Variants in PLSCR2 observed in about 807,000 individuals in gnomAD.
PLSCR2 encodes the protein phospholipid scramblase 2, also known as PL scramblase 2.
In PLSCR2, 18 loss-of-function variants were observed where a neutral mutation model predicts 25.3. The ratio of observed to expected loss-of-function variants is 0.71; its 90% confidence interval spans 0.49 to 1.06. The LOEUF (loss-of-function observed/expected upper bound fraction) is 1.06. PLSCR2 is among the 50% of genes least tolerant of loss of function. PLSCR2 has a pLI of 0.00. For missense variants in PLSCR2, 243 were observed against 269.5 expected (o/e 0.90, Z 0.69); for synonymous variants, 88 against 87.3 (o/e 1.01, Z -0.04).
intron 2 of PLSCR2, among the ~76,000 whole-genome samples, chr3:146,458,693 T>C (rs1009454357): frequency 3.3e-5 from 5 of 152,076 alleles, no homozygotes; most frequent in African/African-American, 1.2e-4. Context: ...AATAAACTAA[T>C]ATAGTGGAAT....
At chr3:146,476,329 G>A (rs765878690) in intron 1 of PLSCR2, among the ~76,000 whole-genome samples, 3 of 152,200 alleles carry the variant, frequency 2.0e-5, no homozygotes, top group Admixed American at 6.5e-5. Flanking sequence ...CAAGGGAGGC[G>A]CTGAGTGTTC....
intron 4 of PLSCR2, 28 bp downstream of exon 4, chr3:146,455,211 T>A: frequency 6.8e-7 from 1 of 1,465,594 alleles, no homozygotes; most frequent in Non-Finnish European, 9.6e-7. Flanking sequence ...AACTACTTTA[T>A]GAAAAGCTCT....
chr3:146,417,278 C>G (rs191101354), intron 2 of PLSCR2, among the ~76,000 whole-genome samples: 1 of 152,108 alleles, frequency 6.6e-6, no homozygotes, highest in African/African-American at 2.4e-5. Flanking sequence ...TATTGCAGAA[C>G]TTACATTATT....
chr3:146,480,078 T>C (rs549950613), intron 1 of PLSCR2, among the ~76,000 whole-genome samples: 2 of 152,246 alleles, frequency 1.3e-5, no homozygotes, highest in African/African-American at 4.8e-5. Flanking sequence ...CTGGGACACA[T>C]TCAAAGCCGT....
intron 1 of PLSCR2, among the ~76,000 whole-genome samples, chr3:146,483,773 C>A (rs1370094584): frequency 6.6e-6 from 1 of 151,448 alleles, no homozygotes; most frequent in Non-Finnish European, 1.5e-5. Flanking sequence ...CCACAAAACC[C>A]CATCTAAAGG....
intron 2 of PLSCR2, chr3:146,398,786 T>C (rs183095981): frequency 6.6e-6 from 1 of 152,354 alleles, no homozygotes. Flanking sequence ...GATAAACATA[T>C]CCAATTGTTT....
chr3:146,398,880 C>T (rs548224086), intron 2 of PLSCR2: 33 of 152,316 alleles, frequency 2.2e-4, no homozygotes, highest in African/African-American at 7.2e-4. Context: ...TTGTAAGTAA[C>T]ACTTTATTTA....
chr3:146,494,693 T>C (rs879808954), intron 1 of PLSCR2: 1 of 152,212 alleles, frequency 6.6e-6, no homozygotes, highest in Non-Finnish European at 1.5e-5. Context: ...AAATACTTTC[T>C]AAATCACAGA....
intron 8 of PLSCR2, among the ~76,000 whole-genome samples, chr3:146,436,703 A>G (rs1394625671): frequency 6.6e-6 from 1 of 151,650 alleles, no homozygotes; most frequent in African/African-American, 2.4e-5. Flanking sequence ...CTAAAGATAC[A>G]ATCATGTCAA....
chr3:146,413,825 C>T (rs1434944960), intron 2 of PLSCR2, among the ~76,000 whole-genome samples: 3 of 152,224 alleles, frequency 2.0e-5, no homozygotes, highest in Non-Finnish European at 4.4e-5. Flanking sequence ...TTCTAGCTTG[C>T]TTCTCCAAAC....
intron 2 of PLSCR2, among the ~76,000 whole-genome samples, chr3:146,419,756 G>A (rs73868808): frequency 0.014 from 2,081 of 152,102 alleles, 49 homozygotes; most frequent in African/African-American, 0.048. Flanking sequence ...TTCACAATCA[G>A]CAGTATAGCG....
chr3:146,446,401 G>T (rs976992103), intron 6 of PLSCR2, among the ~76,000 whole-genome samples: 7 of 152,142 alleles, frequency 4.6e-5, no homozygotes, highest in Admixed American at 4.6e-4. Flanking sequence ...TAATGCTGTG[G>T]CTCTTGGAGA....
At chr3:146,414,670 A>G (rs6440435) in intron 2 of PLSCR2, among the ~76,000 whole-genome samples, 77,951 of 151,768 alleles carry the variant, frequency 0.51, 20,404 homozygotes, top group South Asian at 0.68. Context: ...ACTCATACTA[A>G]GTCGAGATAA....
At chr3:146,462,835 C>T (rs1027204960), upstream of PLSCR2, among the ~76,000 whole-genome samples, 3 of 152,260 alleles carry the variant, frequency 2.0e-5, no homozygotes, top group Non-Finnish European at 2.9e-5. Context: ...AGAAATGCTG[C>T]GAGCTAAGAC....
exon 1 of PLSCR2, chr3:146,460,270 T>C (rs889384690): frequency 9.0e-6 from 12 of 1,338,734 alleles, no homozygotes; most frequent in Non-Finnish European, 1.2e-5. Context: ...TCACTTCTAT[T>C]TTGAGGGTGG....
At chr3:146,463,926 C>G (rs994438495), upstream of PLSCR2, 1 of 975,598 alleles carries the variant, frequency 1.0e-6, no homozygotes, top group Non-Finnish European at 1.2e-6. Flanking sequence ...CAATTATAGT[C>G]ACCTCTTAGT....
chr3:146,403,907 C>G (rs779821754), intron 2 of PLSCR2, among the ~76,000 whole-genome samples: 1 of 152,154 alleles, frequency 6.6e-6, no homozygotes, highest in Non-Finnish European at 1.5e-5. Context: ...TTAACTTCCT[C>G]GTAAAACAAC....
At chr3:146,453,173 G>A (rs112333571) in intron 5 of PLSCR2, among the ~76,000 whole-genome samples, 1,854 of 152,076 alleles carry the variant, frequency 0.012, 36 homozygotes, top group African/African-American at 0.043. Context: ...AATGAAACTG[G>A]ATAGTGCTAA....
At chr3:146,446,753 C>T (rs138634410) in intron 6 of PLSCR2, among the ~76,000 whole-genome samples, 22 of 152,270 alleles carry the variant, frequency 1.4e-4, no homozygotes, top group African/African-American at 5.3e-4. Flanking sequence ...CATCAAGTTC[C>T]CTCATGGTCC....
Sources: allele counts gnomAD v4.1 joint callset (sites outside exome capture counted in the v4.1 genomes callset), GRCh38; gene constraint gnomAD v4.1.1; transcripts MANE v1.5; gene names NCBI Gene and HGNC (gene_info 2026-07-23, HGNC 2026-07-21).